Variants in KCNQ1 observed in about 807,000 individuals in gnomAD.
The protein encoded by KCNQ1 is potassium voltage-gated channel subfamily KQT member 1.
KCNQ1 carries 49 observed loss-of-function variants against 72.4 expected under a neutral mutation model. The observed-to-expected ratio is 0.68, with a 90% confidence interval of 0.54 to 0.86. The LOEUF (loss-of-function observed/expected upper bound fraction) is 0.86. KCNQ1 is among the 40% of genes least tolerant of loss of function. KCNQ1 has a pLI of 0.00. For missense variants in KCNQ1, 790 were observed against 945.1 expected, an observed-to-expected ratio of 0.84 and a Z score of 2.15; for synonymous variants, 450 against 412.6, an observed-to-expected ratio of 1.09 and a Z score of -1.10.
At position 2,714,521 on chromosome 11, in the gene KCNQ1, C is replaced by T. The variant is rs886797480; in HGVS notation, c.1514+52440C>T. ...CCCAGGGCTGGGCACAGGGCTGTGA[C>T]GCCATAGGTGCTCTAGATAGATGGA... On this transcript the variant is annotated intron_variant, in intron 11 of 15. Transcript: ENST00000155840. Among the ~76,000 whole-genome samples the T allele has an allele frequency of 1.1e-4, 17 of 152,206 alleles. 1 individual carries two copies. Among genetic ancestry groups the T allele is most frequent in the East Asian group, 9.7e-4 (5 of 5,160 alleles).
chr11:2,517,945 G>A (rs562751311), intron 1 of KCNQ1, among the ~76,000 whole-genome samples: 7 of 152,356 alleles, frequency 4.6e-5, no homozygotes, highest in East Asian at 3.9e-4. Context: ...TGTGGTGTGC[G>A]GTGGGATAGG....
chr11:2,646,702 G>A (rs974207201), intron 10 of KCNQ1: 1 of 398,510 alleles, frequency 2.5e-6, no homozygotes. Flanking sequence ...TTTTTGTACT[G>A]ATGAGGTTTT....
At chr11:2,667,582 G>A (rs775572231) in intron 11 of KCNQ1, 25 of 397,990 alleles carry the variant, frequency 6.3e-5, no homozygotes, top group Middle Eastern at 6.2e-4. Flanking sequence ...GCAGGGGGTC[G>A]GGGCGGGGTT....
chr11:2,723,608 T>C lies in KCNQ1; in HGVS notation c.1515-45236T>C, dbSNP rs911556365. 6.6e-6 allele frequency among the ~76,000 whole-genome samples: 1 copy of C among 152,160 alleles called. No homozygotes were observed. The highest frequency in any genetic ancestry group is 2.4e-5 in the African/African-American group (1 of 41,440). On this transcript the variant is annotated intron_variant, in intron 11 of 15. Transcript: ENST00000155840. This position sits in a 1 kb window ranked among gnomAD's most constrained non-coding sequence, Gnocchi z 4.2. ...CAAAGAGGGGATGCCAGCCTCAAAC[T>C]CAGCAGCTCGAAGTAGCAACAGCCT... is the stretch of plus-strand genomic sequence containing the variant.
At chr11:2,662,154 G>A (rs1054499968) in intron 11 of KCNQ1, 73 bp downstream of exon 11, 1 of 1,601,808 alleles carries the variant, frequency 6.2e-7, no homozygotes, top group South Asian at 1.1e-5. Context: ...TTGGTGCTGG[G>A]GAAGCCTTGC....
At chr11:2,503,147 A>G (rs1265898263) in intron 1 of KCNQ1, among the ~76,000 whole-genome samples, 2 of 152,306 alleles carry the variant, frequency 1.3e-5, no homozygotes, top group East Asian at 1.9e-4. Flanking sequence ...AGTAATCCCT[A>G]CAAGCACAGG....
At chr11:2,580,229 G>GC (rs1564823385) in intron 6 of KCNQ1, among the ~76,000 whole-genome samples, 1 of 151,702 alleles carries the variant, frequency 6.6e-6, no homozygotes, top group African/African-American at 2.4e-5. Context: ...CTGCCTCTCA[G>GC]CCTATCTTGG....
Position 2,576,296 on chromosome 11 carries a change from G to A in KCNQ1, c.921+3310G>A, listed in dbSNP as rs1019705177. 1.3e-4 allele frequency among the ~76,000 whole-genome samples: 20 copies of A among 152,272 alleles called. 1 individual carries two copies. Among genetic ancestry groups the A allele is most frequent in the South Asian group, 1.0e-3 (5 of 4,820 alleles). On this transcript the variant is annotated intron_variant, in intron 6 of 15. Transcript: ENST00000155840. ...TTGAGTGTCCCCTCCTGTCCCCTTC[G>A]CCGGGGTGGGGATACGCAACTTGGA...
At position 2,659,721 on chromosome 11, in the gene KCNQ1, A is replaced by G. The variant is rs1472748300; in HGVS notation, c.1394-2240A>G. The stretch of plus-strand genomic sequence containing the variant: ...CATTTTGCATTCCCACCAGTAACAT[A>G]TGAGAGTTCTACATGTTCCACATCC... On this transcript the variant is annotated intron_variant, in intron 10 of 15. Transcript: ENST00000155840. The surrounding 1 kb of genome is among the most constrained non-coding windows in gnomAD (Gnocchi z 4.3). 7.5e-6 allele frequency: 3 copies of G among 398,408 alleles called. No individual in the cohort carries two copies. Among genetic ancestry groups the G allele is most frequent in the African/African-American group, 6.2e-5 (3 of 48,630 alleles). The allele number at this position is 398,408 out of a possible 1,614,324, so 24.7% of individuals were successfully genotyped here. A position where few individuals can be genotyped will look rare whatever the true frequency, so the allele number is the denominator to read the frequency against.
At position 2,815,275 on chromosome 11, in the gene KCNQ1, A is replaced by G. The variant is rs747150375; in HGVS notation, c.1795-32492A>G. Reference sequence around the variant, plus strand: ...TCTAGGCTGCCACCACAGCATCCACACTCCCCACTAGAGCCCACATAGGTC... The same window carrying G: ...TCTAGGCTGCCACCACAGCATCCACGCTCCCCACTAGAGCCCACATAGGTC... On this transcript the variant is annotated intron_variant, in intron 15 of 15. Transcript: ENST00000155840. The surrounding 1 kb of genome is among the most constrained non-coding windows in gnomAD (Gnocchi z 5.4). 1.2e-4 allele frequency among the ~76,000 whole-genome samples: 18 copies of G among 151,480 alleles called. No individual in the cohort carries two copies. Among genetic ancestry groups the G allele is most frequent in the Admixed American group, 3.9e-4 (6 of 15,234 alleles).
intron 11 of KCNQ1, among the ~76,000 whole-genome samples, chr11:2,706,561 T>C (rs1850914757): frequency 6.6e-6 from 1 of 152,254 alleles, no homozygotes; most frequent in Non-Finnish European, 1.5e-5. Context: ...GGAATGAAGC[T>C]GTAGGGTGAC....
intron 11 of KCNQ1, among the ~76,000 whole-genome samples, chr11:2,749,171 T>C (rs1226988061): frequency 1.3e-5 from 2 of 152,100 alleles, no homozygotes; most frequent in Non-Finnish European, 2.9e-5. Flanking sequence ...CTTTACCAAA[T>C]GGGGGGCTGT....
chr11:2,802,078 A>G (rs1847278929), intron 15 of KCNQ1, among the ~76,000 whole-genome samples: 1 of 152,098 alleles, frequency 6.6e-6, no homozygotes, highest in African/African-American at 2.4e-5. Flanking sequence ...GGGCACATTC[A>G]CCCAGACTCA....
At chr11:2,561,118 T>C (rs7944557) in intron 2 of KCNQ1, among the ~76,000 whole-genome samples, 64,781 of 148,414 alleles carry the variant, frequency 0.44, 15,138 homozygotes, top group African/African-American at 0.6. Context: ...AGTAGAATGG[T>C]GTGAACCCCA....
rs57308681 is a variant in KCNQ1 at position 2,657,436 on chromosome 11, A to G, written c.1394-4525A>G. ...GTTCTTGCATATACTTAGTTAGATA[A>G]TTAATATTCTTTTGTGCTATTGTAT... On this transcript the variant is annotated intron_variant, in intron 10 of 15. Coordinates refer to ENST00000155840, the MANE Select transcript of KCNQ1 (RefSeq NM_000218.3). This position sits in a 1 kb window ranked among gnomAD's most constrained non-coding sequence, Gnocchi z 4.8. The G allele has an allele frequency of 0.018, 7,076 of 398,490 alleles. 365 individuals are homozygous for G. The highest frequency in any genetic ancestry group is 0.12 in the African/African-American group (5,907 of 48,698). 24.7% of individuals were successfully genotyped at this position (398,490 alleles called of 1,614,324 possible). A position where few individuals can be genotyped will look rare whatever the true frequency, so the allele number is the denominator to read the frequency against.
Position 2,473,601 on chromosome 11 carries a change from A to G in KCNQ1, c.386+28117A>G, listed in dbSNP as rs1436984558. 6.6e-6 allele frequency among the ~76,000 whole-genome samples: 1 copy of G among 151,958 alleles called. No individual in the cohort carries two copies. The highest frequency in any genetic ancestry group is 1.9e-4 in the East Asian group (1 of 5,162). On this transcript the variant is annotated intron_variant, in intron 1 of 15. Coordinates refer to ENST00000155840, the MANE Select transcript of KCNQ1 (RefSeq NM_000218.3). The surrounding 1 kb of genome is among the most constrained non-coding windows in gnomAD (Gnocchi z 6.0). ...GCCGTGTCATGTGGCTTGTAGAGCG[A>G]GGGTGTGCGGCCGGCATCATCCTCA...
Position 2,647,649 on chromosome 11 carries a change from CTT to C in KCNQ1, c.1394-14310_1394-14309del. The C allele has an allele frequency of 2.5e-6, 1 of 398,498 alleles. No homozygotes were observed. Among genetic ancestry groups the C allele is most frequent in the Non-Finnish European group, 4.4e-6 (1 of 226,030 alleles). The allele number at this position is 398,498 out of a possible 1,614,324, so 24.7% of individuals were successfully genotyped here. ...TCCTGAGGTTTTCTTTACTGGGAGA[CTT>C]TATTACTGATACAATCTCATTCCTT... is the stretch of plus-strand genomic sequence containing the variant. On this transcript the variant is annotated intron_variant, in intron 10 of 15. Coordinates refer to ENST00000155840, the MANE Select transcript of KCNQ1 (RefSeq NM_000218.3). This position sits in a 1 kb window ranked among gnomAD's most constrained non-coding sequence, Gnocchi z 4.0.
rs1204814682 is a variant in KCNQ1 at position 2,544,362 on chromosome 11, A to G, written c.477+16344A>G. ...TATGTATATGTATATATATGTGTAT[A>G]TATATGTGTATATATATGTGTGCAT... On this transcript the variant is annotated intron_variant, in intron 2 of 15. Transcript: ENST00000155840. The surrounding 1 kb of genome is among the most constrained non-coding windows in gnomAD (Gnocchi z 4.4). Among the ~76,000 whole-genome samples, 1 of 145,036 alleles carries G rather than the reference A, an allele frequency of 6.9e-6. No individual in the cohort carries two copies. Among genetic ancestry groups the G allele is most frequent in the Non-Finnish European group, 1.5e-5 (1 of 66,818 alleles).
In KCNQ1 at chr11:2,651,078, C is replaced by T; in HGVS notation, c.1394-10883C>T. The T allele has an allele frequency of 2.5e-6, 1 of 398,808 alleles. No homozygotes were observed. The highest frequency in any genetic ancestry group is 4.4e-6 in the Non-Finnish European group (1 of 226,164). The allele number at this position is 398,808 out of a possible 1,614,324, so 24.7% of individuals were successfully genotyped here. On this transcript the variant is annotated intron_variant, in intron 10 of 15. Transcript: ENST00000155840. The surrounding 1 kb of genome is among the most constrained non-coding windows in gnomAD (Gnocchi z 6.1). Reference sequence around the variant, plus strand: ...CTACATTGTTGTCCATACCTCATTACTGGTCTCTTGATTTCCACTCTTGCT... The same window carrying T: ...CTACATTGTTGTCCATACCTCATTATTGGTCTCTTGATTTCCACTCTTGCT...
Sources: allele counts gnomAD v4.1 joint callset (sites outside exome capture counted in the v4.1 genomes callset), GRCh38; gene constraint gnomAD v4.1.1; non-coding constraint Gnocchi (gnomAD v3.1); transcripts MANE v1.5; gene names NCBI Gene and HGNC (gene_info 2026-07-23, HGNC 2026-07-21).